MAP1LC3A: variants seen among roughly 807,000 people sequenced by gnomAD.
The protein encoded by MAP1LC3A is microtubule associated protein 1 light chain 3 alpha, also known as microtubule-associated protein 1 light chain 3 alpha.
Under a neutral mutation model 15.2 loss-of-function variants are expected in MAP1LC3A, and 10 were observed. The observed-to-expected ratio is 0.66, with a 90% CI of 0.41 to 1.12. MAP1LC3A has a LOEUF of 1.12. Among genes scored for constraint, MAP1LC3A ranks in the 50% most tolerant of loss-of-function variants. MAP1LC3A has a pLI of 0.00. For missense variants in MAP1LC3A, 138 were observed against 167.3 expected, an observed-to-expected ratio of 0.82 and a Z score of 0.97; for synonymous variants, 63 against 64.3, an observed-to-expected ratio of 0.98 and a Z score of 0.10.
upstream of MAP1LC3A, chr20:34,558,593 C>CGTGACGTCA: frequency 8.3e-7 from 1 of 1,204,000 alleles, no homozygotes; most frequent in South Asian, 3.7e-5. This position sits in a 1 kb window ranked among gnomAD's most constrained non-coding sequence, Gnocchi z 4.3. Context: ...CCCTCGCGTC[C>CGTGACGTCA]CGGTCCGCGG....
intron 1 of MAP1LC3A, among the ~76,000 whole-genome samples, chr20:34,548,862 T>C (rs1314201029): frequency 2.0e-5 from 3 of 151,776 alleles, no homozygotes; most frequent in Non-Finnish European, 4.4e-5. Flanking sequence ...CCCGCCACCA[T>C]GCCCAGCTAA....
intron 2 of MAP1LC3A, among the ~76,000 whole-genome samples, chr20:34,551,465 TC>T (rs1336464083): frequency 5.3e-5 from 7 of 131,162 alleles, no homozygotes; most frequent in Admixed American, 8.6e-5. Context: ...GGGAACGCTG[TC>T]CTTTTTTTTT....
chr20:34,559,596 G>A, intron 3 of MAP1LC3A, 140 bp from the exon 4 acceptor site: 2 of 1,241,750 alleles, frequency 1.6e-6, no homozygotes, highest in Non-Finnish European at 2.3e-6. Context: ...GTCAAGGTCG[G>A]GGCTGCAGTC....
At chr20:34,557,275 C>T (rs952410974), upstream of MAP1LC3A, among the ~76,000 whole-genome samples, 17 of 152,052 alleles carry the variant, frequency 1.1e-4, no homozygotes, top group African/African-American at 4.1e-4. Flanking sequence ...CCTTTTTCTC[C>T]CTTTCTGCCT....
At chr20:34,549,428 TACGAGTTCATC>T (rs1981863814) in intron 1 of MAP1LC3A, among the ~76,000 whole-genome samples, 1 of 152,210 alleles carries the variant, frequency 6.6e-6, no homozygotes, top group South Asian at 2.1e-4. Context: ...GGCCCATTTT[TACGAGTTCATC>T]ACCTTAAACG....
rs1464586931 is a variant in MAP1LC3A, at chr20:34,558,840, C to A, written c.-29C>A. 1.4e-6 allele frequency: 2 copies of A among 1,432,318 alleles called. No homozygotes were observed. Among genetic ancestry groups the A allele is most frequent in the African/African-American group, 1.5e-5 (1 of 66,778 alleles). The allele number at this position is 1,432,318 out of a possible 1,614,324, so 88.7% of individuals were successfully genotyped here. ...GACACATCCCCGCGCCCCAGAGCCC[C>A]GGCCTGCGCGCCCAGCCGGGCCCGC... On this transcript the variant is annotated 5_prime_UTR_variant, in exon 1 of 4. Coordinates refer to ENST00000360668, the MANE Select transcript of MAP1LC3A (RefSeq NM_032514.4). This position sits in a 1 kb window ranked among gnomAD's most constrained non-coding sequence, Gnocchi z 4.3.
At chr20:34,550,600 G>A (rs527776645) in intron 2 of MAP1LC3A, among the ~76,000 whole-genome samples, 65 of 152,196 alleles carry the variant, frequency 4.3e-4, no homozygotes, top group Non-Finnish European at 8.2e-4. Context: ...CTACACACCC[G>A]CCAAAATGGC....
At chr20:34,550,308 A>C (rs931015116) in intron 2 of MAP1LC3A, among the ~76,000 whole-genome samples, 1 of 152,118 alleles carries the variant, frequency 6.6e-6, no homozygotes, top group Non-Finnish European at 1.5e-5. Context: ...TCCTCCTAGC[A>C]CCCAGCAGCA....
chr20:34,559,501 C>T, intron 3 of MAP1LC3A, 48 bp downstream of exon 3: 1 of 1,536,110 alleles, frequency 6.5e-7, no homozygotes, highest in South Asian at 1.2e-5. Context: ...GGGAGGGGAG[C>T]CGGGTTCCCG....
At chr20:34,551,925 T>C (rs543166911) in intron 2 of MAP1LC3A, among the ~76,000 whole-genome samples, 1 of 152,252 alleles carries the variant, frequency 6.6e-6, no homozygotes, top group Non-Finnish European at 1.5e-5. Context: ...GAGGAGAAAG[T>C]GAACAGATGT....
chr20:34,549,079 G>GC (rs1275430278), intron 1 of MAP1LC3A, among the ~76,000 whole-genome samples: 1 of 151,842 alleles, frequency 6.6e-6, no homozygotes, highest in African/African-American at 2.4e-5. Context: ...AGGCTAGAGG[G>GC]CAGTGGTGCA....
chr20:34,559,578 C>A (rs6119504), intron 3 of MAP1LC3A, 125 bp downstream of exon 3: 1 of 1,231,708 alleles, frequency 8.1e-7, no homozygotes, highest in Non-Finnish European at 1.2e-6. Context: ...TCTGGGGTGG[C>A]TGGAAAGGTC....
At chr20:34,548,561 G>C (rs1981826456) in intron 1 of MAP1LC3A, among the ~76,000 whole-genome samples, 2 of 152,222 alleles carry the variant, frequency 1.3e-5, no homozygotes, top group Non-Finnish European at 1.5e-5. Flanking sequence ...TGCATGGGCT[G>C]TGGGGTTGGT....
intron 1 of MAP1LC3A, among the ~76,000 whole-genome samples, chr20:34,547,548 C>T (rs1981784269): frequency 6.6e-6 from 1 of 151,500 alleles, no homozygotes; most frequent in South Asian, 2.1e-4. Flanking sequence ...AGGGAGAGCC[C>T]AGGTGGAGGT....
upstream of MAP1LC3A, among the ~76,000 whole-genome samples, chr20:34,556,640 A>G (rs568961855): frequency 2.7e-5 from 4 of 149,326 alleles, no homozygotes; most frequent in South Asian, 8.4e-4. Context: ...TCTGTTGCCC[A>G]GGCTGGAGGG....
intron 1 of MAP1LC3A, among the ~76,000 whole-genome samples, chr20:34,549,660 TA>T (rs1981872004): frequency 6.6e-6 from 1 of 152,176 alleles, no homozygotes; most frequent in African/African-American, 2.4e-5. Context: ...AATGACATCC[TA>T]ATTCAGGGGG....
upstream of MAP1LC3A, among the ~76,000 whole-genome samples, chr20:34,557,742 T>C (rs1006285068): frequency 1.1e-4 from 17 of 152,126 alleles, no homozygotes; most frequent in Admixed American, 2.6e-4. Flanking sequence ...CTGGCCAACA[T>C]GGTGAAACTC....
At chr20:34,553,240 C>A (rs530071248) in intron 2 of MAP1LC3A, among the ~76,000 whole-genome samples, 15 of 152,172 alleles carry the variant, frequency 9.9e-5, no homozygotes, top group Non-Finnish European at 2.1e-4. Context: ...AAAGGGGAGA[C>A]AAAAGATTCC....
At position 34,551,534 on chromosome 20, in the gene MAP1LC3A, C is replaced by T. The variant is rs1013683718; in HGVS notation, c.52+1505C>T. Among the ~76,000 whole-genome samples the T allele has an allele frequency of 7.6e-5, 11 of 144,908 alleles. No individual in the cohort carries two copies. The East Asian group carries it at 1.9e-3, about 25-fold the overall frequency. ...ACAGTCAGGCTGGAGTGCAGTGGCA[C>T]GATTTCGGCTCACTGCAACCTCTGC... On this transcript the variant is annotated intron_variant, in intron 2 of 4. Coordinates refer to the MAP1LC3A transcript ENST00000374837.
Sources: gnomAD v4.1 joint callset for allele counts (sites outside exome capture counted in the v4.1 genomes callset) on GRCh38, gnomAD v4.1.1 for gene constraint, Gnocchi (gnomAD v3.1) non-coding constraint, MANE v1.5 for transcripts, NCBI Gene and HGNC (gene_info 2026-07-23, HGNC 2026-07-21) for gene names.